KLF12: variants seen among roughly 807,000 people sequenced by gnomAD.
The protein encoded by KLF12 is Krueppel-like factor 12.
Under a neutral mutation model 37.8 loss-of-function variants are expected in KLF12, and 9 were observed. The observed-to-expected ratio is 0.24, with a 90% CI of 0.14 to 0.42. The LOEUF is 0.42. Among genes scored for constraint, KLF12 ranks in the 10% least tolerant of loss-of-function variants. The pLI is 1.00. For missense variants in KLF12, 411 were observed against 516.0 expected (o/e 0.80, Z 1.97); for synonymous variants, 208 against 202.1 (o/e 1.03, Z -0.25).
intron 1 of KLF12, among the ~76,000 whole-genome samples, chr13:74,055,203 CT>C (rs774796062): frequency 6.6e-6 from 1 of 152,150 alleles, no homozygotes. Context: ...AAATTCTGCC[CT>C]TTACTCTCTC....
chr13:74,120,879 TTAAC>T (rs149679484), intron 1 of KLF12, among the ~76,000 whole-genome samples: 2,759 of 151,930 alleles, frequency 0.018, 146 homozygotes, highest in Admixed American at 0.11. Flanking sequence ...AACAAACAGA[TTAAC>T]TAATAAGCCA....
intron 4 of KLF12, among the ~76,000 whole-genome samples, chr13:73,819,583 G>A (rs1883413116): frequency 6.6e-6 from 1 of 151,982 alleles, no homozygotes; most frequent in African/African-American, 2.4e-5. Context: ...GCTGGAGAAA[G>A]AAGAGTGAAA....
chr13:74,144,290 A>G, the KLF12 span, among the ~76,000 whole-genome samples: 4 of 152,164 alleles, frequency 2.6e-5, no homozygotes, highest in Non-Finnish European at 5.9e-5. Context: ...TATGGAAACC[A>G]TTTTCATATT....
At chr13:73,959,765 G>C (rs1408168035) in intron 2 of KLF12, among the ~76,000 whole-genome samples, 1 of 151,968 alleles carries the variant, frequency 6.6e-6, no homozygotes, top group Non-Finnish European at 1.5e-5. Flanking sequence ...CACATTATCA[G>C]GTAAATGCTG....
chr13:74,246,170 G>A, the KLF12 span, among the ~76,000 whole-genome samples: 7 of 152,198 alleles, frequency 4.6e-5, no homozygotes, highest in Non-Finnish European at 7.4e-5. Context: ...ATTTCAGATC[G>A]GCTTCTGTTA....
chr13:74,196,315 G>A, the KLF12 span, among the ~76,000 whole-genome samples: 3 of 152,158 alleles, frequency 2.0e-5, no homozygotes, highest in Non-Finnish European at 4.4e-5. Context: ...TCAATGGGGA[G>A]CACCAGCAGG....
At chr13:74,091,126 A>G (rs1875632443) in intron 1 of KLF12, among the ~76,000 whole-genome samples, 1 of 152,190 alleles carries the variant, frequency 6.6e-6, no homozygotes, top group Non-Finnish European at 1.5e-5. Flanking sequence ...CTGTATGAAA[A>G]ATCAAGAGTC....
intron 4 of KLF12, among the ~76,000 whole-genome samples, chr13:73,831,384 A>G (rs893207993): frequency 3.9e-5 from 6 of 152,178 alleles, no homozygotes; most frequent in African/African-American, 1.4e-4. Flanking sequence ...ACATATGTAA[A>G]GCAGAAAGAA....
chr13:74,157,115 G>A, the KLF12 span, among the ~76,000 whole-genome samples: 1 of 152,050 alleles, frequency 6.6e-6, no homozygotes, highest in Non-Finnish European at 1.5e-5. Context: ...CTATATCAAC[G>A]AATAAAGATA....
chr13:74,212,662 C>T, the KLF12 span, among the ~76,000 whole-genome samples: 184 of 152,026 alleles, frequency 1.2e-3, 6 homozygotes, highest in South Asian at 0.034. Flanking sequence ...TGTAAACAAC[C>T]GCAAACTTAC....
chr13:73,761,975 G>C (rs1358451545), intron 6 of KLF12, among the ~76,000 whole-genome samples: 1 of 152,132 alleles, frequency 6.6e-6, no homozygotes, highest in African/African-American at 2.4e-5. Flanking sequence ...TGGTACTGAG[G>C]GGACAAACTT....
chr13:74,251,321 C>A, the KLF12 span, among the ~76,000 whole-genome samples: 1 of 150,994 alleles, frequency 6.6e-6, no homozygotes, highest in Non-Finnish European at 1.5e-5. Flanking sequence ...TTTTTTTTTT[C>A]TTTTGGTAGA....
chr13:73,994,192 G>T (rs1298042600), intron 2 of KLF12, among the ~76,000 whole-genome samples: 5 of 152,182 alleles, frequency 3.3e-5, no homozygotes, highest in Non-Finnish European at 1.5e-5. Flanking sequence ...ATAGCAAGTT[G>T]TGCATTGATT....
rs374095086 is a variant in KLF12, at chr13:73,788,557, G to A, written c.807-23557C>T. 7.3e-4 allele frequency among the ~76,000 whole-genome samples: 111 copies of A among 152,266 alleles called. 1 individual carries two copies. The South Asian group carries it at 0.021, about 29-fold the overall frequency. On this transcript the variant is annotated intron_variant, in intron 5 of 7. Coordinates refer to ENST00000377669, the MANE Select transcript of KLF12 (RefSeq NM_007249.5). ...TGCCAAGGGCTGTTCTGTAAAGGAT[G>A]GGTCAGCCCTGGGCCTGTGGAACAC...
rs1873566814 is a variant in KLF12 at position 73,687,564 on chromosome 13, T to A, written c.*7926A>T. 1 of 151,936 alleles carries A rather than the reference T, an allele frequency of 6.6e-6. No individual in the cohort carries two copies. The highest frequency in any genetic ancestry group is 1.5e-5 in the Non-Finnish European group (1 of 67,976). The allele number at this position is 151,936 out of a possible 1,614,324, so 9.4% of individuals were successfully genotyped here. A position where few individuals can be genotyped will look rare whatever the true frequency, so the allele number is the denominator to read the frequency against. On this transcript the variant is annotated 3_prime_UTR_variant, in exon 8 of 8. Transcript: ENST00000377669. ...ACAAGTAGGGCAAAAGCACTTTTTA[T>A]GATTTTTTTTTTTGCCATATCTTTG...
At chr13:74,074,179 T>C (rs1361814975) in intron 1 of KLF12, among the ~76,000 whole-genome samples, 1 of 152,218 alleles carries the variant, frequency 6.6e-6, no homozygotes, top group Non-Finnish European at 1.5e-5. Context: ...TGTGTACGCA[T>C]GCACAGATGC....
intron 1 of KLF12, among the ~76,000 whole-genome samples, chr13:74,030,691 A>G (rs945146471): frequency 6.6e-6 from 1 of 152,144 alleles, no homozygotes; most frequent in Non-Finnish European, 1.5e-5. Context: ...GGATGCATTT[A>G]TATGTTAATA....
At chr13:73,833,119 G>A (rs11842837) in intron 4 of KLF12, among the ~76,000 whole-genome samples, 4,380 of 152,240 alleles carry the variant, frequency 0.029, 89 homozygotes, top group African/African-American at 0.044. Flanking sequence ...TGAAATTGGC[G>A]TTACTATTAT....
At chr13:74,297,527 T>C in the KLF12 span, among the ~76,000 whole-genome samples, 1 of 152,226 alleles carries the variant, frequency 6.6e-6, no homozygotes, top group Non-Finnish European at 1.5e-5. Context: ...ATAGGTACTG[T>C]GGAACTGTGG....
Sources: gnomAD v4.1 joint callset for allele counts (sites outside exome capture counted in the v4.1 genomes callset) on GRCh38, gnomAD v4.1.1 for gene constraint, MANE v1.5 for transcripts, NCBI Gene and HGNC (gene_info 2026-07-23, HGNC 2026-07-21) for gene names.